The following TLK1 variants were observed in gnomAD, a reference collection of about 807,000 sequenced individuals.
TLK1 encodes serine/threonine-protein kinase tousled-like 1.
In TLK1, 24 loss-of-function variants were observed where a neutral mutation model predicts 105.3. The ratio of observed to expected loss-of-function variants is 0.23; its 90% CI spans 0.17 to 0.32. The LOEUF is 0.32. Among genes scored for constraint, TLK1 ranks in the 10% least tolerant of loss-of-function variants. The pLI is 1.00. For synonymous variants in TLK1, 321 were observed against 310.4 expected (o/e 1.03, Z -0.36); for missense variants, 558 against 910.5 (o/e 0.61, Z 4.98).
chr2:171,112,139 A>C (rs868021607), intron 2 of TLK1, among the ~76,000 whole-genome samples: 1 of 152,234 alleles, frequency 6.6e-6, no homozygotes, highest in Non-Finnish European at 1.5e-5. Context: ...TTTACTAGAG[A>C]CAGGGTTTCA....
At chr2:171,095,479 G>A (rs1482354385) in intron 2 of TLK1, among the ~76,000 whole-genome samples, 1 of 152,046 alleles carries the variant, frequency 6.6e-6, no homozygotes, top group African/African-American at 2.4e-5. Flanking sequence ...AAAATATAAT[G>A]AAAAGTTTTA....
At chr2:171,153,227 C>T (rs1692110193) in intron 1 of TLK1, among the ~76,000 whole-genome samples, 1 of 152,202 alleles carries the variant, frequency 6.6e-6, no homozygotes, top group Admixed American at 6.5e-5. Flanking sequence ...ACTGGTAAGT[C>T]ACTTTACTTC....
chr2:171,219,970 CAA>C (rs1177588757), intron 1 of TLK1, among the ~76,000 whole-genome samples: 1 of 152,074 alleles, frequency 6.6e-6, no homozygotes, highest in Admixed American at 6.6e-5. Flanking sequence ...AATTACTTCC[CAA>C]AGTCTCTAGC....
intron 1 of TLK1, among the ~76,000 whole-genome samples, chr2:171,157,797 CAT>C (rs1558973591): frequency 2.0e-5 from 3 of 152,160 alleles, no homozygotes. Context: ...GAGTTCATCA[CAT>C]AGAATATTTA....
chr2:171,125,305 A>G (rs1690822509), intron 1 of TLK1, among the ~76,000 whole-genome samples: 1 of 152,138 alleles, frequency 6.6e-6, no homozygotes, highest in African/African-American at 2.4e-5. Context: ...AGTTACTTTC[A>G]TGTATACTGT....
intron 1 of TLK1, among the ~76,000 whole-genome samples, chr2:171,128,615 T>C (rs1417866249): frequency 6.6e-6 from 1 of 152,182 alleles, no homozygotes; most frequent in Non-Finnish European, 1.5e-5. Context: ...TAGGATTACA[T>C]ATACTTCCGT....
intron 1 of TLK1, among the ~76,000 whole-genome samples, chr2:171,158,447 A>C (rs1692319475): frequency 6.6e-6 from 1 of 152,222 alleles, no homozygotes; most frequent in Admixed American, 6.5e-5. Context: ...TTTTAAGTTG[A>C]AGTAACCTCA....
chr2:171,186,224 T>A (rs932521661), intron 1 of TLK1, among the ~76,000 whole-genome samples: 7 of 152,202 alleles, frequency 4.6e-5, no homozygotes, highest in African/African-American at 1.4e-4. Flanking sequence ...CTCATCGAAA[T>A]GCCTATAGGA....
chr2:171,013,795 T>A (rs962044657), intron 13 of TLK1, among the ~76,000 whole-genome samples: 6 of 152,210 alleles, frequency 3.9e-5, no homozygotes, highest in Non-Finnish European at 7.3e-5. Context: ...TATTAACTCA[T>A]GAAGCTTTAA....
chr2:171,088,483 T>C (rs1689079988), intron 2 of TLK1, among the ~76,000 whole-genome samples: 1 of 152,166 alleles, frequency 6.6e-6, no homozygotes, highest in African/African-American at 2.4e-5. Context: ...TGTTTCTGGA[T>C]TGGAAAGACA....
intron 1 of TLK1, among the ~76,000 whole-genome samples, chr2:171,183,007 A>G (rs1443427970): frequency 6.6e-6 from 1 of 151,596 alleles, no homozygotes; most frequent in South Asian, 2.1e-4. Context: ...ATAGGGTCTC[A>G]GGACAAACAG....
chr2:171,102,909 T>G (rs1689752474), intron 2 of TLK1, among the ~76,000 whole-genome samples: 1 of 151,916 alleles, frequency 6.6e-6, no homozygotes. Context: ...ACACATAAAT[T>G]TTAGTATTAC....
intron 1 of TLK1, among the ~76,000 whole-genome samples, chr2:171,122,671 C>T (rs879575475): frequency 1.3e-5 from 2 of 150,274 alleles, no homozygotes; most frequent in East Asian, 1.9e-4. Context: ...GACACTCTGT[C>T]GCCCAGGCTG....
chr2:171,179,711 A>G (rs1234880075), intron 1 of TLK1, among the ~76,000 whole-genome samples: 1 of 152,196 alleles, frequency 6.6e-6, no homozygotes, highest in Non-Finnish European at 1.5e-5. Context: ...TAATCCCAGC[A>G]CTTTGGGAGG....
intron 3 of TLK1, among the ~76,000 whole-genome samples, chr2:171,064,339 TTTAATA>T (rs1402747126): frequency 6.6e-6 from 1 of 152,182 alleles, no homozygotes; most frequent in African/African-American, 2.4e-5. Flanking sequence ...CATCTCCTAT[TTTAATA>T]TTGAGATTCC....
In TLK1 at chr2:171,090,933, T is replaced by C. The variant is rs181001673; in HGVS notation, c.259-8081A>G. On this transcript the variant is annotated intron_variant, in intron 2 of 20. Transcript: ENST00000431350. ...GTCGCACTAGCCATATTTTAAATCC[T>C]CAGTAGCCACATGTGGCCAGTGGCT... 3.6e-3 allele frequency among the ~76,000 whole-genome samples: 545 copies of C among 152,344 alleles called. 6 individuals are homozygous for C. Among genetic ancestry groups the C allele is most frequent in the African/African-American group, 0.012 (503 of 41,580 alleles).
chr2:170,998,285 G>A (rs570642113), intron 18 of TLK1, among the ~76,000 whole-genome samples: 9 of 152,118 alleles, frequency 5.9e-5, no homozygotes, highest in South Asian at 4.1e-4. Context: ...AAACAACTTC[G>A]ACAGCACTTA....
intron 1 of TLK1, among the ~76,000 whole-genome samples, chr2:171,194,818 GGGA>G (rs373667084): frequency 0.14 from 16,108 of 111,306 alleles, 1,417 homozygotes; most frequent in African/African-American, 0.34. Context: ...CTCCGTCTCA[GGGA>G]AAAAAAAAAA....
chr2:171,046,124 C>G (rs75937101), intron 11 of TLK1, 50 bp downstream of exon 11: 3 of 1,428,878 alleles, frequency 2.1e-6, no homozygotes, highest in African/African-American at 2.9e-5. Context: ...GTAACATTCA[C>G]GCTCACTGGC....
Sources: allele counts gnomAD v4.1 joint callset (sites outside exome capture counted in the v4.1 genomes callset), GRCh38; gene constraint gnomAD v4.1.1; transcripts MANE v1.5; gene names NCBI Gene and HGNC (gene_info 2026-07-23, HGNC 2026-07-21).